PALS2: variants seen among roughly 807,000 people sequenced by gnomAD.
The protein encoded by PALS2 is protein PALS2.
A neutral mutation model predicts 61.6 loss-of-function variants in PALS2; 27 were observed. That is an observed-to-expected ratio of 0.44 (90% CI 0.32 to 0.60). The LOEUF (loss-of-function observed/expected upper bound fraction) is 0.60, where lower values mean the gene tolerates loss of function less well. Among genes scored for constraint, PALS2 ranks in the 20% least tolerant of loss-of-function variants. The pLI is 0.05. For synonymous variants in PALS2, 236 were observed against 218.6 expected, an observed-to-expected ratio of 1.08 and a Z score of -0.70; for missense variants, 554 against 639.4, an observed-to-expected ratio of 0.87 and a Z score of 1.44.
At chr7:24,625,220 T>A (rs1032776816) in intron 2 of PALS2, among the ~76,000 whole-genome samples, 5 of 152,186 alleles carry the variant, frequency 3.3e-5, no homozygotes, top group Non-Finnish European at 7.3e-5. Context: ...ATTGTACTTT[T>A]AAAATGGTTT....
At chr7:24,650,803 A>G (rs1324806446) in intron 5 of PALS2, 91 bp downstream of exon 5, 23 of 937,382 alleles carry the variant, frequency 2.5e-5, no homozygotes, top group Non-Finnish European at 3.4e-5. Flanking sequence ...CTATTTTGCT[A>G]AAGAAAAGAG....
chr7:24,631,328 CT>C (rs1352581879), intron 2 of PALS2, among the ~76,000 whole-genome samples: 1 of 152,082 alleles, frequency 6.6e-6, no homozygotes, highest in Non-Finnish European at 1.5e-5. Flanking sequence ...ACTTTCTTGA[CT>C]TTAGAAGACA....
intron 1 of PALS2, among the ~76,000 whole-genome samples, chr7:24,591,293 G>A (rs1783276840): frequency 6.6e-6 from 1 of 152,124 alleles, no homozygotes; most frequent in South Asian, 2.1e-4. Context: ...GTCTTTGGCT[G>A]TAAAAGAGGG....
intron 9 of PALS2, among the ~76,000 whole-genome samples, chr7:24,670,335 T>TC (rs1019771688): frequency 1.4e-4 from 21 of 152,040 alleles, no homozygotes; most frequent in African/African-American, 5.1e-4. Flanking sequence ...TAAGTCAGGT[T>TC]CTTTTTTTTT....
intron 9 of PALS2, among the ~76,000 whole-genome samples, chr7:24,675,034 A>G (rs1231912156): frequency 6.6e-6 from 1 of 152,216 alleles, no homozygotes; most frequent in Non-Finnish European, 1.5e-5. Context: ...TTCATGTTCT[A>G]ATTTCTCTGT....
chr7:24,620,486 T>A (rs1244452380), intron 1 of PALS2, among the ~76,000 whole-genome samples: 2 of 152,164 alleles, frequency 1.3e-5, no homozygotes, highest in African/African-American at 2.4e-5. Flanking sequence ...TTAAATTCCA[T>A]ATGATTAAGA....
intron 1 of PALS2, among the ~76,000 whole-genome samples, chr7:24,610,764 G>T (rs1259274123): frequency 6.6e-6 from 1 of 152,034 alleles, no homozygotes; most frequent in Admixed American, 6.6e-5. Context: ...TGTTGCTGCT[G>T]TATTGCAAAA....
chr7:24,604,169 C>A, intron 1 of PALS2, among the ~76,000 whole-genome samples: 1 of 149,532 alleles, frequency 6.7e-6, no homozygotes, highest in Non-Finnish European at 1.5e-5. Context: ...CCTGTGAATA[C>A]CCACATCAGT....
intron 2 of PALS2, among the ~76,000 whole-genome samples, chr7:24,632,095 G>A (rs1259151514): frequency 6.6e-6 from 1 of 152,202 alleles, no homozygotes; most frequent in African/African-American, 2.4e-5. Flanking sequence ...TTGCAGTTCT[G>A]TCAGATTTTA....
At chr7:24,636,604 A>G (rs931854895) in intron 2 of PALS2, among the ~76,000 whole-genome samples, 10 of 152,214 alleles carry the variant, frequency 6.6e-5, no homozygotes, top group Non-Finnish European at 1.0e-4. Context: ...TCATTATACT[A>G]TGTATATACA....
intron 2 of PALS2, among the ~76,000 whole-genome samples, chr7:24,636,669 A>G (rs1372574465): frequency 6.6e-6 from 1 of 152,192 alleles, no homozygotes; most frequent in African/African-American, 2.4e-5. Flanking sequence ...TATCAATTAG[A>G]AATATAAAAT....
chr7:24,611,329 C>T (rs1784104061), intron 1 of PALS2, among the ~76,000 whole-genome samples: 1 of 151,978 alleles, frequency 6.6e-6, no homozygotes, highest in Admixed American at 6.6e-5. Flanking sequence ...TTATGCAATT[C>T]ACGGGAAGTT....
intron 1 of PALS2, among the ~76,000 whole-genome samples, chr7:24,595,038 T>TA (rs1362000151): frequency 6.6e-6 from 1 of 152,030 alleles, no homozygotes; most frequent in African/African-American, 2.4e-5. Flanking sequence ...TGAAGTGCAG[T>TA]AAAATGAGGT....
rs551902776 is a variant in PALS2, at chr7:24,641,523, C to T, written c.118-193C>T. Among the ~76,000 whole-genome samples, 3 of 151,366 alleles carry T rather than the reference C, an allele frequency of 2.0e-5. No homozygotes were observed. The East Asian group carries it at 5.8e-4, about 29-fold the overall frequency. ...TGACTTTCAGGATAGAACTAGAGGC[C>T]AAGATTTATTATATTGCATGATATA... On this transcript the variant is annotated intron_variant, in intron 2 of 11. Coordinates refer to ENST00000222644, the MANE Select transcript of PALS2 (RefSeq NM_001303037.2).
chr7:24,605,763 T>A (rs1783877272), intron 1 of PALS2, among the ~76,000 whole-genome samples: 1 of 152,174 alleles, frequency 6.6e-6, no homozygotes, highest in Admixed American at 6.5e-5. Context: ...CAAAATTAAT[T>A]TATGTATACC....
At chr7:24,615,757 A>G (rs1175148455) in intron 1 of PALS2, among the ~76,000 whole-genome samples, 1 of 152,112 alleles carries the variant, frequency 6.6e-6, no homozygotes, top group African/African-American at 2.4e-5. Context: ...GACATCACAC[A>G]AAAAGAAAAC....
At chr7:24,676,172 T>C (rs1787577076) in intron 9 of PALS2, among the ~76,000 whole-genome samples, 1 of 152,190 alleles carries the variant, frequency 6.6e-6, no homozygotes. Flanking sequence ...ATGTGTTTTT[T>C]GGCTGCATAA....
At chr7:24,595,484 T>G (rs1286582178) in intron 1 of PALS2, among the ~76,000 whole-genome samples, 1 of 130,432 alleles carries the variant, frequency 7.7e-6, no homozygotes, top group Non-Finnish European at 1.6e-5. Context: ...TATGTAAATA[T>G]ATATTATATA....
Position 24,596,693 on chromosome 7 carries a change from G to A in PALS2, c.-3+23100G>A, listed in dbSNP as rs963804086. ...AAATTGGCAACAGTGCTATTTATTT[G>A]AGCTCTGTTTAAAAAGGAAAAAAAG... On this transcript the variant is annotated intron_variant, in intron 1 of 11. Transcript: ENST00000222644. The surrounding 1 kb of genome is among the most constrained non-coding windows in gnomAD (Gnocchi z 4.5). 6.6e-6 allele frequency among the ~76,000 whole-genome samples: 1 copy of A among 152,068 alleles called. No individual in the cohort carries two copies. Among genetic ancestry groups the A allele is most frequent in the African/African-American group, 2.4e-5 (1 of 41,408 alleles).
Sources: gnomAD v4.1 joint callset for allele counts (sites outside exome capture counted in the v4.1 genomes callset) on GRCh38, gnomAD v4.1.1 for gene constraint, Gnocchi (gnomAD v3.1) non-coding constraint, MANE v1.5 for transcripts, NCBI Gene and HGNC (gene_info 2026-07-23, HGNC 2026-07-21) for gene names.